ERC1: variants seen among roughly 807,000 people sequenced by gnomAD.
ERC1 encodes RAB6 interacting protein 2.
A neutral mutation model predicts 132.0 loss-of-function variants in ERC1; 56 were observed. The ratio of observed to expected loss-of-function variants is 0.42; its 90% CI spans 0.34 to 0.53. ERC1 has a LOEUF of 0.53. ERC1 is among the 20% of genes least tolerant of loss of function. ERC1 has a pLI of 0.03. For synonymous variants in ERC1, 478 were observed against 476.1 expected (o/e 1.00, Z -0.05); for missense variants, 1,202 against 1,349.9 (o/e 0.89, Z 1.72).
intron 3 of ERC1, among the ~76,000 whole-genome samples, chr12:1,096,467 TCAGA>T (rs372578914): frequency 1.3e-5 from 2 of 152,228 alleles, no homozygotes; most frequent in African/African-American, 4.8e-5. Context: ...TTATTTTTAC[TCAGA>T]CAATTTAAAG....
intron 16 of ERC1, among the ~76,000 whole-genome samples, chr12:1,379,517 A>G (rs1243779960): frequency 6.6e-6 from 1 of 152,196 alleles, no homozygotes; most frequent in Non-Finnish European, 1.5e-5. Flanking sequence ...CCGGCGTTTG[A>G]AGTTTTTGTT....
intron 16 of ERC1, among the ~76,000 whole-genome samples, chr12:1,394,145 A>T (rs1408973443): frequency 6.6e-6 from 1 of 151,886 alleles, no homozygotes; most frequent in Non-Finnish European, 1.5e-5. Flanking sequence ...TCACACCTGT[A>T]ATCCCAGCAC....
intron 8 of ERC1, among the ~76,000 whole-genome samples, chr12:1,154,301 G>A (rs1486759945): frequency 6.8e-6 from 1 of 146,112 alleles, no homozygotes; most frequent in Non-Finnish European, 1.5e-5. Flanking sequence ...ACACACACGT[G>A]CATATATATG....
chr12:1,242,393 A>G (rs2075867654), intron 13 of ERC1, among the ~76,000 whole-genome samples: 1 of 152,166 alleles, frequency 6.6e-6, no homozygotes, highest in Admixed American at 6.5e-5. Flanking sequence ...ATTATTTATC[A>G]TGTTAAAAAA....
intron 15 of ERC1, among the ~76,000 whole-genome samples, chr12:1,353,104 C>A (rs977051589): frequency 1.3e-5 from 2 of 148,330 alleles, no homozygotes; most frequent in African/African-American, 5.1e-5. Flanking sequence ...GATCTCTGCT[C>A]ACTGCAAGCT....
At chr12:1,054,462 A>C (rs1180911075) in intron 2 of ERC1, among the ~76,000 whole-genome samples, 1 of 151,742 alleles carries the variant, frequency 6.6e-6, no homozygotes, top group African/African-American at 2.4e-5. Context: ...AAATTTACCT[A>C]GTTTGTCCCT....
At chr12:1,247,878 C>A (rs1162423811) in intron 13 of ERC1, among the ~76,000 whole-genome samples, 1 of 152,142 alleles carries the variant, frequency 6.6e-6, no homozygotes, top group African/African-American at 2.4e-5. Flanking sequence ...TGCCTGTAAT[C>A]CCAGCTACTC....
chr12:1,459,900 G>A (rs1036033019), intron 18 of ERC1, among the ~76,000 whole-genome samples: 1 of 151,986 alleles, frequency 6.6e-6, no homozygotes, highest in African/African-American at 2.4e-5. Flanking sequence ...TTTAACACCA[G>A]GAAACATACA....
chr12:1,359,830 C>G lies in ERC1; in HGVS notation c.2781-12003C>G, dbSNP rs566573911. ...ATATTATATTGAAAGGACTATTGGT[C>G]TGTATATATTTGTGTATCACAAAAG... On this transcript the variant is annotated intron_variant, in intron 15 of 18. Transcript: ENST00000360905. Among the ~76,000 whole-genome samples, 8 of 152,266 alleles carry G rather than the reference C, an allele frequency of 5.3e-5. No individual in the cohort carries two copies. The South Asian group carries it at 1.2e-3, about 24-fold the overall frequency.
chr12:1,287,857 TG>T (rs1386358973), intron 14 of ERC1, among the ~76,000 whole-genome samples: 2 of 152,236 alleles, frequency 1.3e-5, no homozygotes, highest in Non-Finnish European at 2.9e-5. Flanking sequence ...ATATACACTC[TG>T]TTTCTCTGGA....
intron 15 of ERC1, among the ~76,000 whole-genome samples, chr12:1,345,119 A>G (rs2084315580): frequency 6.6e-6 from 1 of 152,176 alleles, no homozygotes; most frequent in Non-Finnish European, 1.5e-5. Context: ...ATGCCATTTT[A>G]AATAAAAATT....
At chr12:1,199,628 A>AG (rs1228659437) in intron 12 of ERC1, among the ~76,000 whole-genome samples, 2 of 151,844 alleles carry the variant, frequency 1.3e-5, no homozygotes, top group East Asian at 3.9e-4. Flanking sequence ...GAAAAAAAAA[A>AG]TTAGCCGGGC....
At chr12:1,263,321 A>G (rs1241673673) in intron 14 of ERC1, among the ~76,000 whole-genome samples, 156 bp downstream of exon 14, 1 of 152,220 alleles carries the variant, frequency 6.6e-6, no homozygotes, top group Non-Finnish European at 1.5e-5. Context: ...TCATAGCGGT[A>G]TTAGATACAA....
intron 2 of ERC1, among the ~76,000 whole-genome samples, chr12:1,044,644 A>G (rs868181636): frequency 2.6e-5 from 4 of 152,232 alleles, no homozygotes; most frequent in Admixed American, 6.5e-5. Flanking sequence ...TCTTAAATAC[A>G]AATACATTTT....
chr12:1,080,213 A>G (rs1941986827), intron 2 of ERC1, among the ~76,000 whole-genome samples: 1 of 152,196 alleles, frequency 6.6e-6, no homozygotes, highest in Admixed American at 6.5e-5. Flanking sequence ...AGTATATCCC[A>G]TCTATCTCCA....
rs142300778 is a variant in ERC1 at position 1,373,552 on chromosome 12, C to T, written c.2925+1575C>T. Among the ~76,000 whole-genome samples the T allele has an allele frequency of 1.4e-4, 22 of 152,306 alleles. No individual in the cohort carries two copies. In the South Asian group the frequency reaches 3.3e-3, roughly 23 times the overall value. ...ATCCCAGCACTTTGGGAGGCCAAGGCGGGTGGATCATGAGGTCAGGAAATC... is the reference window on the plus strand; with the variant it reads ...ATCCCAGCACTTTGGGAGGCCAAGGTGGGTGGATCATGAGGTCAGGAAATC... On this transcript the variant is annotated intron_variant, in intron 16 of 18. Transcript: ENST00000360905.
At chr12:1,361,592 A>T (rs1418610211) in intron 15 of ERC1, among the ~76,000 whole-genome samples, 1 of 152,142 alleles carries the variant, frequency 6.6e-6, no homozygotes, top group African/African-American at 2.4e-5. Flanking sequence ...ACTAAAACTA[A>T]GACCTATATC....
At chr12:1,230,789 A>G (rs889374958) in intron 12 of ERC1, among the ~76,000 whole-genome samples, 5 of 152,188 alleles carry the variant, frequency 3.3e-5, no homozygotes, top group Non-Finnish European at 7.3e-5. Context: ...CAATTGTAAT[A>G]TTCTCTTGAT....
chr12:1,420,443 T>A (rs1275577281), intron 17 of ERC1, among the ~76,000 whole-genome samples: 2 of 149,292 alleles, frequency 1.3e-5, no homozygotes, highest in South Asian at 2.1e-4. Flanking sequence ...AACTTTTTTT[T>A]ATTTTATTTA....
Sources: allele counts gnomAD v4.1 joint callset (sites outside exome capture counted in the v4.1 genomes callset), GRCh38; gene constraint gnomAD v4.1.1; transcripts MANE v1.5; gene names NCBI Gene and HGNC (gene_info 2026-07-23, HGNC 2026-07-21).